MRPS27: variants seen among roughly 807,000 people sequenced by gnomAD.
The protein encoded by MRPS27 is small ribosomal subunit protein mS27.
A neutral mutation model predicts 48.9 loss-of-function variants in MRPS27; 43 were observed. The observed-to-expected ratio is 0.88, with a 90% CI of 0.69 to 1.13. The LOEUF (loss-of-function observed/expected upper bound fraction) is 1.13, where lower values mean the gene tolerates loss of function less well. Ranked by LOEUF, MRPS27 falls within the 50% of genes most tolerant of loss-of-function variation. The probability of loss-of-function intolerance (pLI) is 0.00; values close to 1 mark genes in which losing one functional copy is unlikely to be tolerated. For missense variants in MRPS27, 467 were observed against 476.3 expected (o/e 0.98, Z 0.18); for synonymous variants, 188 against 171.9 (o/e 1.09, Z -0.73).
At chr5:72,222,157 C>G (rs774497462) in intron 10 of MRPS27, among the ~76,000 whole-genome samples, 5 of 152,120 alleles carry the variant, frequency 3.3e-5, no homozygotes, top group Non-Finnish European at 7.4e-5. Context: ...TGACCTCTGA[C>G]TAATAAAAAT....
intron 5 of MRPS27, among the ~76,000 whole-genome samples, 170 bp downstream of exon 5, chr5:72,237,844 T>TA (rs1011825960): frequency 5.1e-4 from 78 of 152,208 alleles, no homozygotes; most frequent in African/African-American, 1.8e-3. Context: ...TTTTTTTTTT[T>TA]AATTTATTAA....
At chr5:72,297,279 C>T (rs1404688206) in intron 3 of MRPS27, among the ~76,000 whole-genome samples, 5 of 152,062 alleles carry the variant, frequency 3.3e-5, no homozygotes, top group Non-Finnish European at 1.5e-5. Flanking sequence ...ACTTTCTTGG[C>T]TACCAAAAAC....
intron 2 of MRPS27, among the ~76,000 whole-genome samples, chr5:72,303,593 G>A (rs1730846169): frequency 6.6e-6 from 1 of 151,860 alleles, no homozygotes. Context: ...TCTCAAAAGT[G>A]GCCAGAAAGA....
At chr5:72,258,083 C>CAAAAAAA (rs1030737219) in intron 4 of MRPS27, among the ~76,000 whole-genome samples, 1 of 61,368 alleles carries the variant, frequency 1.6e-5, no homozygotes. Flanking sequence ...GACTCTGTCT[C>CAAAAAAA]AAAAAAAAAA....
chr5:72,287,767 A>G (rs889896241), intron 4 of MRPS27, among the ~76,000 whole-genome samples: 3 of 152,266 alleles, frequency 2.0e-5, no homozygotes, highest in Non-Finnish European at 4.4e-5. Flanking sequence ...TGGTATGGCT[A>G]AATGTGTTGG....
intron 4 of MRPS27, among the ~76,000 whole-genome samples, chr5:72,276,924 G>C (rs1749392487): frequency 6.6e-6 from 1 of 152,036 alleles, no homozygotes. Flanking sequence ...CCAGCTACTT[G>C]GGAGGCTGAG....
At chr5:72,289,859 T>C (rs1161288151) in intron 4 of MRPS27, among the ~76,000 whole-genome samples, 2 of 152,158 alleles carry the variant, frequency 1.3e-5, no homozygotes, top group African/African-American at 4.8e-5. Flanking sequence ...AAGGAGCAAG[T>C]TTAATTTCAT....
chr5:72,319,956 A>T, intron 1 of MRPS27, 193 bp downstream of exon 1: 1 of 626,402 alleles, frequency 1.6e-6, no homozygotes. Context: ...GTACCTTTGG[A>T]CAGGAACATA....
At chr5:72,297,495 A>G in intron 3 of MRPS27, 137 bp downstream of exon 3, 1 of 550,824 alleles carries the variant, frequency 1.8e-6, no homozygotes, top group South Asian at 2.4e-5. Flanking sequence ...ATCTATTAGT[A>G]ACTATAAAAA....
At chr5:72,244,602 A>G (rs938417235) in intron 4 of MRPS27, among the ~76,000 whole-genome samples, 2 of 152,172 alleles carry the variant, frequency 1.3e-5, no homozygotes, top group African/African-American at 4.8e-5. Flanking sequence ...TTAAGTATTT[A>G]CTGAGTAGCT....
chr5:72,240,931 T>A lies in MRPS27; in HGVS notation c.282-2803A>T, dbSNP rs559661355. ...TCAAGACACTCAGAGAAGTCTTTAA[T>A]AAGTCTACTCCCTCTCCTATCCTGG... On this transcript the variant is annotated intron_variant, in intron 4 of 10. Transcript: ENST00000261413. 3.3e-5 allele frequency among the ~76,000 whole-genome samples: 5 copies of A among 152,366 alleles called. No individual in the cohort carries two copies. The South Asian group carries it at 6.2e-4, about 19-fold the overall frequency.
chr5:72,259,980 T>C (rs1025212484), intron 4 of MRPS27, among the ~76,000 whole-genome samples: 10 of 152,376 alleles, frequency 6.6e-5, no homozygotes, highest in African/African-American at 2.4e-4. Flanking sequence ...TTATTGGCTA[T>C]ATGCCTTTCT....
intron 2 of MRPS27, among the ~76,000 whole-genome samples, chr5:72,305,065 G>A (rs758679033): frequency 6.6e-6 from 1 of 152,154 alleles, no homozygotes. Context: ...AGGAAGTATG[G>A]AAAACTAGCC....
chr5:72,282,034 C>G (rs182492748), intron 4 of MRPS27, among the ~76,000 whole-genome samples: 1 of 152,246 alleles, frequency 6.6e-6, no homozygotes, highest in African/African-American at 2.4e-5. Context: ...GTCTTAAAAT[C>G]AGCATTGCTA....
intron 2 of MRPS27, among the ~76,000 whole-genome samples, chr5:72,303,215 T>C (rs1399321121): frequency 2.6e-5 from 4 of 152,240 alleles, no homozygotes; most frequent in Admixed American, 6.5e-5. Context: ...GATGACTTTA[T>C]GGACATATAC....
At position 72,295,740 on chromosome 5, in the gene MRPS27, T is replaced by C; in HGVS notation, c.223-151A>G. On this transcript the variant is annotated intron_variant, in intron 3 of 10. Coordinates refer to ENST00000261413, the MANE Select transcript of MRPS27 (RefSeq NM_015084.3). Reference sequence around the variant, plus strand: ...TTAGTGGAACAATGTTCACGTGGTATGGCTCCATCCTTGAAACCCCTTTAT... The same window carrying C: ...TTAGTGGAACAATGTTCACGTGGTACGGCTCCATCCTTGAAACCCCTTTAT... 7 of 631,464 alleles carry C rather than the reference T, an allele frequency of 1.1e-5. No homozygotes were observed. The South Asian group carries it at 1.2e-4, about 11-fold the overall frequency. 39.1% of individuals were successfully genotyped at this position (631,464 alleles called of 1,614,324 possible).
At chr5:72,296,509 C>T (rs918052303) in intron 3 of MRPS27, among the ~76,000 whole-genome samples, 3 of 152,154 alleles carry the variant, frequency 2.0e-5, no homozygotes, top group Admixed American at 1.3e-4. Context: ...AGGCACTGGC[C>T]TCGAAGAGTA....
chr5:72,225,573 T>C (rs1747871094), intron 9 of MRPS27, among the ~76,000 whole-genome samples: 1 of 152,142 alleles, frequency 6.6e-6, no homozygotes, highest in Admixed American at 6.5e-5. Flanking sequence ...CCTTAGAACT[T>C]TGAAAGAAAC....
At chr5:72,312,106 T>C (rs1750455160) in intron 2 of MRPS27, among the ~76,000 whole-genome samples, 1 of 152,226 alleles carries the variant, frequency 6.6e-6, no homozygotes, top group East Asian at 1.9e-4. Context: ...CATTCCAGCC[T>C]GGGCGATAGA....
Sources: gnomAD v4.1 joint callset for allele counts (sites outside exome capture counted in the v4.1 genomes callset) on GRCh38, gnomAD v4.1.1 for gene constraint, MANE v1.5 for transcripts, NCBI Gene and HGNC (gene_info 2026-07-23, HGNC 2026-07-21) for gene names.